The following ROBO3 variants were observed in gnomAD, a reference collection of about 807,000 sequenced individuals.
The protein encoded by ROBO3 is roundabout homolog 3.
In ROBO3, 97 loss-of-function variants were observed where a neutral mutation model predicts 160.5. The observed-to-expected ratio is 0.60, with a 90% CI of 0.51 to 0.72. The LOEUF (loss-of-function observed/expected upper bound fraction) is 0.72. Ranked by LOEUF, ROBO3 falls within the 30% of genes least tolerant of loss-of-function variation. ROBO3 has a pLI of 0.00. For synonymous variants in ROBO3, 780 were observed against 746.2 expected (o/e 1.05, Z -0.74); for missense variants, 1,858 against 1,846.5 (o/e 1.01, Z -0.11).
chr11:124,875,408 GA>G, intron 14 of ROBO3, 72 bp downstream of exon 14: 1 of 1,558,972 alleles, frequency 6.4e-7, no homozygotes, highest in South Asian at 1.1e-5. Flanking sequence ...GAGGGGGGAT[GA>G]AAATTTGCAG....
chr11:124,876,250 C>G lies in ROBO3; in HGVS notation c.2594-25C>G. 6.7e-7 allele frequency: 1 copy of G among 1,493,280 alleles called. No homozygotes were observed. Among genetic ancestry groups the G allele is most frequent in the East Asian group, 2.3e-5 (1 of 43,110 alleles). The allele number at this position is 1,493,280 out of a possible 1,614,324, so 92.5% of individuals were successfully genotyped here. A position where few individuals can be genotyped will look rare whatever the true frequency, so the allele number is the denominator to read the frequency against. On this transcript the variant is annotated intron_variant, in intron 16 of 27. Transcript: ENST00000397801. This position sits in a 1 kb window ranked among gnomAD's most constrained non-coding sequence, Gnocchi z 5.3. ...AGTTCCAGGGTTTCGGGCCCCTCCT[C>G]CCCTCACTTCTCTGACCCCCACAGC...
At position 124,876,525 on chromosome 11, in the gene ROBO3, G is replaced by A; in HGVS notation, c.2779+65G>A. The A allele has an allele frequency of 7.7e-7, 1 of 1,296,868 alleles. No individual in the cohort carries two copies. 80.3% of individuals were successfully genotyped at this position (1,296,868 alleles called of 1,614,324 possible). ...GCCAGGCGGCCCATGGGGAGGGGCA[G>A]GGGCTTAGCCGCTGGCGAGTGAGGA... On this transcript the variant is annotated intron_variant, in intron 17 of 27. Coordinates refer to ENST00000397801, the MANE Select transcript of ROBO3 (RefSeq NM_022370.4). This position sits in a 1 kb window ranked among gnomAD's most constrained non-coding sequence, Gnocchi z 5.3.
At chr11:124,870,806 G>A in intron 6 of ROBO3, 78 bp downstream of exon 6, 2 of 1,571,770 alleles carry the variant, frequency 1.3e-6, no homozygotes, top group African/African-American at 1.3e-5. Context: ...GAGACTGAGG[G>A]AGAAAGGGCA....
At position 124,874,150 on chromosome 11, in the gene ROBO3, A is replaced by G. The variant is rs1946317084; in HGVS notation, c.1865A>G (p.Asn622Ser). The G allele has an allele frequency of 9.3e-6, 15 of 1,613,850 alleles. No individual in the cohort carries two copies. The highest frequency in any genetic ancestry group is 1.2e-5 in the Non-Finnish European group (14 of 1,179,880). The change falls in exon 12 of 28, where the codon AAT (asparagine) becomes AGT (serine). Residue 622 changes from asparagine to serine, a missense_variant. Physicochemically the swap from Asn to Ser is conservative, Grantham distance 46. Coordinates refer to ENST00000397801, the MANE Select transcript of ROBO3 (RefSeq NM_022370.4). ...ETHTVSGLQP[N>S]TIYLFLVRAV... ...CACACAGTCAGCGGTCTGCAGCCCA[A>G]TACCATCTACCTGTTTCTGGTTCGA...
chr11:124,866,438 C>T (rs570134564), intron 1 of ROBO3, among the ~76,000 whole-genome samples: 1 of 152,292 alleles, frequency 6.6e-6, no homozygotes, highest in Admixed American at 6.5e-5. Context: ...CGCCAGCCTG[C>T]GGAGAGGCCG....
Position 124,873,129 on chromosome 11 carries a change from T to G in ROBO3, c.1536+40T>G. On this transcript the variant is annotated intron_variant, in intron 9 of 27. Coordinates refer to ENST00000397801, the MANE Select transcript of ROBO3 (RefSeq NM_022370.4). The surrounding 1 kb of genome is among the most constrained non-coding windows in gnomAD (Gnocchi z 4.5). Reference sequence around the variant, plus strand: ...TGGGGCCCTAGTAGCTGAGAATGGCTATCTGCTCCACGTTCCTTACACAAG... The same window carrying G: ...TGGGGCCCTAGTAGCTGAGAATGGCGATCTGCTCCACGTTCCTTACACAAG... 1 of 1,582,840 alleles carries G rather than the reference T, an allele frequency of 6.3e-7. No individual in the cohort carries two copies. Among genetic ancestry groups the G allele is most frequent in the Non-Finnish European group, 8.6e-7 (1 of 1,156,328 alleles).
Position 124,874,230 on chromosome 11 carries a change from A to G in ROBO3, c.1945A>G (p.Thr649Ala), listed in dbSNP as rs1312977564. 1 of 1,613,252 alleles carries G rather than the reference A, an allele frequency of 6.2e-7. No homozygotes were observed. Among genetic ancestry groups the G allele is most frequent in the Non-Finnish European group, 8.5e-7 (1 of 1,179,520 alleles). ...EPSPVSEPVR[T>A]QDSSPSRPVE... ...CAGCCCCGTCTCTGAGCCTGTCCGT[A>G]CACAGGGTAAGGTCAGAGTCCCTGG... The change falls in exon 12 of 28, where the codon ACA becomes GCA. Residue 649 changes from threonine (T) to alanine (A), a missense_variant. Physicochemically the swap from Thr to Ala is moderately conservative, Grantham distance 58. Coordinates refer to ENST00000397801, the MANE Select transcript of ROBO3 (RefSeq NM_022370.4).
chr11:124,868,222 C>A (rs1435040466), intron 1 of ROBO3, among the ~76,000 whole-genome samples: 1 of 152,184 alleles, frequency 6.6e-6, no homozygotes, highest in Non-Finnish European at 1.5e-5. Flanking sequence ...GGGCCCTGTG[C>A]CGATTCATAG....
chr11:124,872,579 A>T lies in ROBO3; in HGVS notation c.1330+27A>T, dbSNP rs1375195641. 1 of 1,597,308 alleles carries T rather than the reference A, an allele frequency of 6.3e-7. No homozygotes were observed. The highest frequency in any genetic ancestry group is 1.1e-5 in the South Asian group (1 of 90,266). ...TACGTGCCCATGGAGATAGGACTGG[A>T]TCCATGGCTTGGGAGGAAATAATGG... On this transcript the variant is annotated intron_variant, in intron 8 of 27. Transcript: ENST00000397801. The surrounding 1 kb of genome is among the most constrained non-coding windows in gnomAD (Gnocchi z 4.3).
intron 15 of ROBO3, 90 bp downstream of exon 15, chr11:124,875,775 A>G (rs1946351703): frequency 1.3e-6 from 2 of 1,511,146 alleles, no homozygotes; most frequent in African/African-American, 2.8e-5. Context: ...GAGGAAATCT[A>G]TTACAGGTTT....
rs1237211798 is a variant in ROBO3 at position 124,869,926 on chromosome 11, A to G, written c.646-22A>G. The G allele has an allele frequency of 1.3e-6, 2 of 1,577,040 alleles. No individual in the cohort carries two copies. Among genetic ancestry groups the G allele is most frequent in the Non-Finnish European group, 1.7e-6 (2 of 1,161,362 alleles). On this transcript the variant is annotated intron_variant, in intron 3 of 27. Transcript: ENST00000397801. This position sits in a 1 kb window ranked among gnomAD's most constrained non-coding sequence, Gnocchi z 4.2. ...CGCTGTGATAGCTGAAATGGACCAA[A>G]GTTACCATTATTGCTCTGCAGATCC...
In ROBO3 at chr11:124,878,954, G is replaced by C; in HGVS notation, c.3533+158G>C. On this transcript the variant is annotated intron_variant, in intron 23 of 27. Transcript: ENST00000397801. The surrounding 1 kb of genome is among the most constrained non-coding windows in gnomAD (Gnocchi z 4.3). Reference sequence around the variant, plus strand: ...GAAGTGTAATTTGGGCAGGAATATGGAGGCTGACAAGATCTCTCATGCCCA... The same window carrying C: ...GAAGTGTAATTTGGGCAGGAATATGCAGGCTGACAAGATCTCTCATGCCCA... The C allele has an allele frequency of 8.9e-6, 7 of 789,252 alleles. No individual in the cohort carries two copies. The highest frequency in any genetic ancestry group is 1.4e-5 in the Non-Finnish European group (7 of 496,734). 48.9% of individuals were successfully genotyped at this position (789,252 alleles called of 1,614,324 possible).
At chr11:124,866,483 CG>C (rs1946198110) in intron 1 of ROBO3, among the ~76,000 whole-genome samples, 1 of 152,254 alleles carries the variant, frequency 6.6e-6, no homozygotes, top group Admixed American at 6.5e-5. Flanking sequence ...CGGGAACCCC[CG>C]CTTTACCGGG....
In ROBO3 at chr11:124,879,780, T is replaced by G. The variant is rs2135348160; in HGVS notation, c.3797-7T>G. 1.2e-6 allele frequency: 2 copies of G among 1,613,088 alleles called. No individual in the cohort carries two copies. Among genetic ancestry groups the G allele is most frequent in the South Asian group, 2.2e-5 (2 of 90,944 alleles). ...GGAGGCTCCGCTGAAAACAGCTCCCTCCCCAGACTTGCCCCCACCACCCTT... is the reference window on the plus strand; with the variant it reads ...GGAGGCTCCGCTGAAAACAGCTCCCGCCCCAGACTTGCCCCCACCACCCTT... On this transcript the variant is annotated splice_region_variant and splice_polypyrimidine_tract_variant and intron_variant, in intron 25 of 27. Transcript: ENST00000397801.
chr11:124,865,541 C>A lies in ROBO3; in HGVS notation c.-37C>A, dbSNP rs922071319. The A allele has an allele frequency of 6.3e-7, 1 of 1,598,832 alleles. No homozygotes were observed. Among genetic ancestry groups the A allele is most frequent in the East Asian group, 2.2e-5 (1 of 44,616 alleles). On this transcript the variant is annotated 5_prime_UTR_variant, in exon 1 of 28. Coordinates refer to ENST00000397801, the MANE Select transcript of ROBO3 (RefSeq NM_022370.4). The surrounding 1 kb of genome is among the most constrained non-coding windows in gnomAD (Gnocchi z 5.5). ...CGGGTCTCAGACCCAGGGGCTGGGC[C>A]CCCAGCCCCCAGTCCCGATCCCAGC...
rs1360148535 is a variant in ROBO3, at chr11:124,872,836, G to A, written c.1331-48G>A. ...AGAATGAGGACAAGGGGCTGCCCGC[G>A]GGGCCCTAAGCTCCTCCCCTGAGGT... On this transcript the variant is annotated intron_variant, in intron 8 of 27. Coordinates refer to ENST00000397801, the MANE Select transcript of ROBO3 (RefSeq NM_022370.4). The surrounding 1 kb of genome is among the most constrained non-coding windows in gnomAD (Gnocchi z 4.3). 12 of 1,450,110 alleles carry A rather than the reference G, an allele frequency of 8.3e-6. No homozygotes were observed. The highest frequency in any genetic ancestry group is 2.4e-5 in the Admixed American group (1 of 41,986). The allele number at this position is 1,450,110 out of a possible 1,614,324, so 89.8% of individuals were successfully genotyped here. A position where few individuals can be genotyped will look rare whatever the true frequency, so the allele number is the denominator to read the frequency against.
In ROBO3 at chr11:124,873,396, G is replaced by GT; in HGVS notation, c.1618+11dup. On this transcript the variant is annotated splice_donor_region_variant and intron_variant, in intron 10 of 27. Coordinates refer to ENST00000397801, the MANE Select transcript of ROBO3 (RefSeq NM_022370.4). The surrounding 1 kb of genome is among the most constrained non-coding windows in gnomAD (Gnocchi z 4.5). ...GCGGCTGGCTTAAGATGCGGGGTGA[G>GT]TTTTTTCTTTCTTCCCTTATTTTGA... is the stretch of plus-strand genomic sequence containing the variant. 1.9e-6 allele frequency: 3 copies of GT among 1,609,210 alleles called. No homozygotes were observed. The highest frequency in any genetic ancestry group is 2.5e-6 in the Non-Finnish European group (3 of 1,177,800).
At position 124,869,544 on chromosome 11, in the gene ROBO3, G is replaced by C. The variant is rs754751656; in HGVS notation, c.582G>C (p.Pro194=). ...AATGCGTGCCCCCCCGCGGCCACCC[G>C]GAGCCTTCCGTGTCCTGGAGGAAGG... ...VLECVPPRGH[P]EPSVSWRKDG... Residue 194 remains proline, a synonymous_variant, in exon 3 of 28, where the codon CCG becomes CCC. Coordinates refer to ENST00000397801, the MANE Select transcript of ROBO3 (RefSeq NM_022370.4). This position sits in a 1 kb window ranked among gnomAD's most constrained non-coding sequence, Gnocchi z 4.2. 1 of 1,530,770 alleles carries C rather than the reference G, an allele frequency of 6.5e-7. No homozygotes were observed. Among genetic ancestry groups the C allele is most frequent in the Non-Finnish European group, 8.8e-7 (1 of 1,131,486 alleles). 94.8% of individuals were successfully genotyped at this position (1,530,770 alleles called of 1,614,324 possible). A position where few individuals can be genotyped will look rare whatever the true frequency, so the allele number is the denominator to read the frequency against.
chr11:124,869,954 G>A lies in ROBO3; in HGVS notation c.652G>A (p.Gly218Arg), dbSNP rs747997682. Residue 218 changes from glycine (G) to arginine (R), a missense_variant, in exon 4 of 28, where the codon GGA becomes AGA. By Grantham distance (125) the Gly-to-Arg change is moderately radical. Coordinates refer to ENST00000397801, the MANE Select transcript of ROBO3 (RefSeq NM_022370.4). This position sits in a 1 kb window ranked among gnomAD's most constrained non-coding sequence, Gnocchi z 4.2. ...TACCATTATTGCTCTGCAGATCCGT[G>A]GAGGGAAGCTGATGATGTCACATAC... is the stretch of plus-strand genomic sequence containing the variant. ...KEEEGRITIR[G>R]GKLMMSHTLK... The A allele has an allele frequency of 1.2e-6, 2 of 1,605,492 alleles. No individual in the cohort carries two copies. The highest frequency in any genetic ancestry group is 1.7e-6 in the Non-Finnish European group (2 of 1,175,874).
Sources: allele counts gnomAD v4.1 joint callset (sites outside exome capture counted in the v4.1 genomes callset), GRCh38; gene constraint gnomAD v4.1.1; non-coding constraint Gnocchi (gnomAD v3.1); transcripts MANE v1.5; gene names NCBI Gene and HGNC (gene_info 2026-07-23, HGNC 2026-07-21).